Variants in PNKD observed in about 807,000 individuals in gnomAD.
The protein encoded by PNKD is PNKD metallo-beta-lactamase domain containing, also known as probable thioesterase PNKD.
In PNKD, 36 loss-of-function variants were observed where a neutral mutation model predicts 45.3. That is an observed-to-expected ratio of 0.80 (90% CI 0.61 to 1.05). The LOEUF (loss-of-function observed/expected upper bound fraction) is 1.05. Among genes scored for constraint, PNKD ranks in the 50% least tolerant of loss-of-function variants. The probability of loss-of-function intolerance (pLI) is 0.00; values close to 1 mark genes in which losing one functional copy is unlikely to be tolerated. For missense variants in PNKD, 511 were observed against 506.6 expected, an observed-to-expected ratio of 1.01 and a Z score of -0.08; for synonymous variants, 197 against 210.1, an observed-to-expected ratio of 0.94 and a Z score of 0.54.
chr2:218,343,387 A>C (rs1184623406), intron 7 of PNKD, 113 bp from the exon 8 acceptor site: 7 of 858,646 alleles, frequency 8.2e-6, no homozygotes, highest in Non-Finnish European at 1.4e-5. Context: ...GTGCACAGTC[A>C]GGGCTGACGG....
At chr2:218,317,329 T>C (rs1235963646) in intron 2 of PNKD, among the ~76,000 whole-genome samples, 1 of 152,176 alleles carries the variant, frequency 6.6e-6, no homozygotes. Context: ...CCCTGAGTGG[T>C]TCCTAGGCTC....
chr2:218,344,451 G>C lies in PNKD; in HGVS notation c.869-4G>C. ...CTGTGTCTCACCCTCATGGCTGTCG[G>C]TAGGTCATGAGTATGCAGAGGAGAA... is the stretch of plus-strand genomic sequence containing the variant. On this transcript the variant is annotated splice_polypyrimidine_tract_variant and splice_region_variant and intron_variant, in intron 8 of 9. Transcript: ENST00000273077. 6.4e-7 allele frequency: 1 copy of C among 1,562,440 alleles called. No homozygotes were observed. Among genetic ancestry groups the C allele is most frequent in the Non-Finnish European group, 8.7e-7 (1 of 1,150,064 alleles).
chr2:218,323,342 C>A, intron 2 of PNKD: 2 of 1,581,604 alleles, frequency 1.3e-6, no homozygotes, highest in East Asian at 4.7e-5. Flanking sequence ...TTGTCCTCGT[C>A]CTACTTGTGA....
At chr2:218,271,271 C>T (rs1163484385) in intron 1 of PNKD, 110 bp from the exon 2 acceptor site, 13 of 919,312 alleles carry the variant, frequency 1.4e-5, no homozygotes, top group Non-Finnish European at 1.5e-5. Context: ...ACTGCAGTCA[C>T]TCCCCTTCCC....
In PNKD at chr2:218,343,557, G is replaced by A. The variant is rs766132328; in HGVS notation, c.839G>A (p.Gly280Glu). 1 of 1,613,544 alleles carries A rather than the reference G, an allele frequency of 6.2e-7. No homozygotes were observed. The highest frequency in any genetic ancestry group is 8.5e-7 in the Non-Finnish European group (1 of 1,179,774). The part of the protein sequence containing the change: ...TMLSSLDTVL[G>E]LGDDTLLWPG... ...CTGAGCTCACTGGACACTGTGCTGGGGCTAGGGGATGACACCCTTCTGTGG... is the reference window on the plus strand; with the variant it reads ...CTGAGCTCACTGGACACTGTGCTGGAGCTAGGGGATGACACCCTTCTGTGG... Residue 280 changes from glycine (G) to glutamate (E), a missense_variant, in exon 8 of 10, where the codon GGG (glycine) becomes GAG (glutamate). Transcript: ENST00000273077.
intron 2 of PNKD, among the ~76,000 whole-genome samples, chr2:218,338,435 T>C (rs1235854911): frequency 7.2e-6 from 1 of 138,060 alleles, no homozygotes; most frequent in Non-Finnish European, 1.5e-5. Context: ...CACTCCAGTC[T>C]GGGCAACAGA....
intron 2 of PNKD, among the ~76,000 whole-genome samples, chr2:218,334,092 A>C (rs10932776): frequency 6.6e-6 from 1 of 151,176 alleles, no homozygotes; most frequent in African/African-American, 2.4e-5. Flanking sequence ...TCCTGCCCGG[A>C]TGACAGAGCA....
intron 2 of PNKD, 40 bp downstream of exon 2, chr2:218,271,589 G>A: frequency 6.3e-7 from 1 of 1,578,544 alleles, no homozygotes; most frequent in East Asian, 2.2e-5. Flanking sequence ...ACGGGGCGTG[G>A]CTTGTAGGGG....
intron 2 of PNKD, among the ~76,000 whole-genome samples, chr2:218,303,463 G>A (rs1481963912): frequency 2.0e-5 from 3 of 151,986 alleles, no homozygotes; most frequent in African/African-American, 7.3e-5. Context: ...AATGGAGCCC[G>A]AGAGCAGGAA....
At chr2:218,339,224 G>A (rs1246727500) in intron 2 of PNKD, among the ~76,000 whole-genome samples, 1 of 152,078 alleles carries the variant, frequency 6.6e-6, no homozygotes, top group African/African-American at 2.4e-5. Context: ...CATCAGAGGT[G>A]CTAGACCCTG....
At chr2:218,339,682 G>C in intron 2 of PNKD, 101 bp from the exon 3 acceptor site, 1 of 753,402 alleles carries the variant, frequency 1.3e-6, no homozygotes, top group Non-Finnish European at 2.4e-6. Flanking sequence ...GGCTCACAGG[G>C]TCACCAAAGG....
chr2:218,326,951 A>G lies in PNKD; in HGVS notation c.237-12832A>G, dbSNP rs140491485. ...AGCAGCACAATATGCCTGGGGAGTC[A>G]GATCAGGAATGTGGGACTCCCCCGT... is the stretch of plus-strand genomic sequence containing the variant. On this transcript the variant is annotated intron_variant, in intron 2 of 9. Transcript: ENST00000273077. This position sits in a 1 kb window ranked among gnomAD's most constrained non-coding sequence, Gnocchi z 4.1. 384 of 152,412 alleles carry G rather than the reference A, an allele frequency of 2.5e-3. No homozygotes were observed. The highest frequency in any genetic ancestry group is 4.5e-3 in the Non-Finnish European group (308 of 68,110). 9.4% of individuals were successfully genotyped at this position (152,412 alleles called of 1,614,324 possible). A position where few individuals can be genotyped will look rare whatever the true frequency, so the allele number is the denominator to read the frequency against.
intron 9 of PNKD, 95 bp downstream of exon 9, chr2:218,344,665 C>T: frequency 7.1e-7 from 1 of 1,404,346 alleles, no homozygotes; most frequent in Non-Finnish European, 1.0e-6. Flanking sequence ...GAGCACCTCC[C>T]CAAAACTCTG....
chr2:218,313,969 T>C (rs572220084), intron 2 of PNKD, among the ~76,000 whole-genome samples: 51 of 146,360 alleles, frequency 3.5e-4, no homozygotes, highest in African/African-American at 1.2e-3. Context: ...CTCTTGAGGC[T>C]GGAGTGCAGT....
intron 2 of PNKD, among the ~76,000 whole-genome samples, chr2:218,325,554 G>A (rs115937871): frequency 0.025 from 3,762 of 152,132 alleles, 64 homozygotes; most frequent in Middle Eastern, 0.037. Flanking sequence ...AAAATTTCTG[G>A]GAATTTTACA....
At chr2:218,334,695 G>T in intron 2 of PNKD, 1 of 702,600 alleles carries the variant, frequency 1.4e-6, no homozygotes, top group South Asian at 1.5e-5. Flanking sequence ...TACCACAGAA[G>T]TGATCTTATG....
rs200454806 is a variant in PNKD, at chr2:218,339,797, C to T, written c.251C>T (p.Thr84Ile). The T allele has an allele frequency of 3.9e-5, 63 of 1,612,532 alleles. No homozygotes were observed. ...TCGCCCTCTAGGTACAGCCTGTACA[C>T]CCGCACCTGGCTCGGGTACCTCTTC... ...AVGLAWYSLY[T>I]RTWLGYLFYR... Residue 84 changes from threonine (T) to isoleucine (I), a missense_variant, in exon 3 of 10, where the codon ACC (threonine) becomes ATC (isoleucine). Transcript: ENST00000273077.
intron 8 of PNKD, among the ~76,000 whole-genome samples, chr2:218,344,024 C>T (rs940724554): frequency 1.3e-5 from 2 of 152,246 alleles, no homozygotes; most frequent in African/African-American, 4.8e-5. Flanking sequence ...TTCATTCATT[C>T]ATCAAGTACT....
rs1253234554 is a variant in PNKD, at chr2:218,278,654, G to C, written c.236+7105G>C. ...AGGCCAGTGATTTGGGGCCCAAATA[G>C]CCGTTTGGAAGTCTGAGGGGAAGCA... On this transcript the variant is annotated intron_variant, in intron 2 of 9. Transcript: ENST00000273077. The C allele has an allele frequency of 7.6e-6, 11 of 1,449,702 alleles. 1 individual carries two copies. In the Admixed American group the frequency reaches 1.9e-4, roughly 25 times the overall value. 89.8% of individuals were successfully genotyped at this position (1,449,702 alleles called of 1,614,324 possible).
Sources: gnomAD v4.1 joint callset for allele counts (sites outside exome capture counted in the v4.1 genomes callset) on GRCh38, gnomAD v4.1.1 for gene constraint, Gnocchi (gnomAD v3.1) non-coding constraint, MANE v1.5 for transcripts, NCBI Gene and HGNC (gene_info 2026-07-23, HGNC 2026-07-21) for gene names.